Variants in OR10S1 observed in about 807,000 individuals in gnomAD.
OR10S1 encodes the protein olfactory receptor family 10 subfamily S member 1.
For missense variants in OR10S1, 415 were observed against 407.9 expected, an observed-to-expected ratio of 1.02 and a Z score of -0.15; for synonymous variants, 167 against 164.1, an observed-to-expected ratio of 1.02 and a Z score of -0.13.
chr11:123,977,157 G>A (rs1029484799), exon 1 of OR10S1: 30 of 1,614,096 alleles, frequency 1.9e-5, no homozygotes, highest in Middle Eastern at 1.6e-4. Context: ...TAGAGCAGGC[G>A]GAAGGTGAGG....
At chr11:123,977,366 T>A (rs758006350) in exon 1 of OR10S1, 1 of 1,614,064 alleles carries the variant, frequency 6.2e-7, no homozygotes, top group Non-Finnish European at 8.5e-7. Context: ...GGCACAGCCC[T>A]CAAAGGAGAT....
Sources: gnomAD v4.1 joint callset for allele counts on GRCh38, gnomAD v4.1.1 for gene constraint, MANE v1.5 for transcripts, NCBI Gene and HGNC (gene_info 2026-07-23, HGNC 2026-07-21) for gene names.